GMPPA: variants seen among roughly 807,000 people sequenced by gnomAD.
GMPPA encodes the protein mannose-1-phosphate guanylyltransferase regulatory subunit alpha.
A neutral mutation model predicts 58.6 loss-of-function variants in GMPPA; 46 were observed. The ratio of observed to expected loss-of-function variants is 0.78; its 90% CI spans 0.62 to 1.00. The LOEUF (loss-of-function observed/expected upper bound fraction) is 1.00, where lower values mean the gene tolerates loss of function less well. Ranked by LOEUF, GMPPA falls within the 50% of genes least tolerant of loss-of-function variation. GMPPA has a pLI of 0.00. For synonymous variants in GMPPA, 211 were observed against 214.9 expected (o/e 0.98, Z 0.16); for missense variants, 468 against 556.4 (o/e 0.84, Z 1.60).
intron 7 of GMPPA, chr2:219,504,697 T>C: frequency 4.6e-6 from 1 of 218,774 alleles, no homozygotes; most frequent in Non-Finnish European, 8.5e-6. Flanking sequence ...CACCGCCCCA[T>C]CTAAGGCCTC....
intron 6 of GMPPA, 89 bp from the exon 7 acceptor site, chr2:219,503,994 G>C: frequency 6.9e-7 from 1 of 1,448,144 alleles, no homozygotes; most frequent in East Asian, 2.3e-5. Flanking sequence ...GCAGGGAGGA[G>C]AGGCAAGAAG....
Position 219,500,456 on chromosome 2 carries a change from G to A in GMPPA, c.138+238G>A, listed in dbSNP as rs1378941684. 5.3e-6 allele frequency: 3 copies of A among 567,882 alleles called. No individual in the cohort carries two copies. The East Asian group carries it at 8.8e-5, about 17-fold the overall frequency. 35.2% of individuals were successfully genotyped at this position (567,882 alleles called of 1,614,324 possible). A position where few individuals can be genotyped will look rare whatever the true frequency, so the allele number is the denominator to read the frequency against. On this transcript the variant is annotated intron_variant, in intron 3 of 12. Transcript: ENST00000313597. ...ATTTCACTCCTATTTTTAAAGTGTG[G>A]AATGTGAGATCAGGCAAGGATCTTG...
chr2:219,505,564 C>A lies in GMPPA; in HGVS notation c.853+9C>A. On this transcript the variant is annotated intron_variant, in intron 9 of 12. Coordinates refer to ENST00000313597, the MANE Select transcript of GMPPA (RefSeq NM_013335.4). The stretch of plus-strand genomic sequence containing the variant: ...GGGCCCATGGATCCGAGGTACCCAG[C>A]CTGCCCCAATTCCTAACCTTTGGCT... 6.4e-7 allele frequency: 1 copy of A among 1,567,084 alleles called. No individual in the cohort carries two copies. Among genetic ancestry groups the A allele is most frequent in the South Asian group, 1.2e-5 (1 of 85,856 alleles).
Position 219,504,439 on chromosome 2 carries a change from C to G in GMPPA, c.620+226C>G, listed in dbSNP as rs1694505371. ...CTCCTCTGTCACTGCCTGCCCACTC[C>G]CCTTCTGGTCCATTTCTCCTAAGCC... On this transcript the variant is annotated intron_variant, in intron 7 of 12. Transcript: ENST00000313597. 8.7e-6 allele frequency: 5 copies of G among 576,760 alleles called. No homozygotes were observed. The Admixed American group carries it at 1.3e-4, about 15-fold the overall frequency. The allele number at this position is 576,760 out of a possible 1,614,324, so 35.7% of individuals were successfully genotyped here.
At position 219,499,987 on chromosome 2, in the gene GMPPA, G is replaced by A. The variant is rs1335428636; in HGVS notation, c.12G>A (p.Ala4=). 5 of 1,613,888 alleles carry A rather than the reference G, an allele frequency of 3.1e-6. No homozygotes were observed. The highest frequency in any genetic ancestry group is 3.4e-6 in the Non-Finnish European group (4 of 1,179,806). Reference sequence around the variant, plus strand: ...TAGCAGTCACCATTATGCTCAAAGCGGTGATCCTGATTGGAGGCCCTCAAA... The same window carrying A: ...TAGCAGTCACCATTATGCTCAAAGCAGTGATCCTGATTGGAGGCCCTCAAA... MLK[A]VILIGGPQKG... is the part of the protein sequence containing the mutation. The change falls in exon 2 of 13, where the codon GCG becomes GCA. Residue 4 remains alanine (A), a synonymous_variant. Transcript: ENST00000313597.
chr2:219,500,530 C>A, intron 3 of GMPPA: 1 of 406,558 alleles, frequency 2.5e-6, no homozygotes, highest in Non-Finnish European at 4.5e-6. Flanking sequence ...TAACCAAGCA[C>A]AAATTCATAT....
intron 6 of GMPPA, among the ~76,000 whole-genome samples, chr2:219,503,352 G>A (rs1388855540): frequency 1.3e-5 from 2 of 151,920 alleles, no homozygotes; most frequent in Non-Finnish European, 2.9e-5. Context: ...CTCGAACTCC[G>A]GAGCTCAAGT....
At position 219,500,234 on chromosome 2, in the gene GMPPA, C is replaced by T; in HGVS notation, c.138+16C>T. On this transcript the variant is annotated intron_variant, in intron 3 of 12. Coordinates refer to ENST00000313597, the MANE Select transcript of GMPPA (RefSeq NM_013335.4). Reference sequence around the variant, plus strand: ...CTGTGCCCAGGTAACCTCAGGGGCTCCCCTCTCTCACCTCACTTCCTGCTT... The same window carrying T: ...CTGTGCCCAGGTAACCTCAGGGGCTTCCCTCTCTCACCTCACTTCCTGCTT... 2.2e-6 allele frequency: 3 copies of T among 1,374,164 alleles called. No homozygotes were observed. Among genetic ancestry groups the T allele is most frequent in the South Asian group, 2.5e-5 (2 of 81,186 alleles). The allele number at this position is 1,374,164 out of a possible 1,614,324, so 85.1% of individuals were successfully genotyped here.
intron 1 of GMPPA, among the ~76,000 whole-genome samples, chr2:219,499,570 G>C (rs572088367): frequency 2.1e-4 from 32 of 152,342 alleles, no homozygotes; most frequent in Non-Finnish European, 1.6e-4. Flanking sequence ...GTCTTTTAGA[G>C]ATCAAATTGT....
rs1694438752 is a variant in GMPPA, at chr2:219,502,560, G to T, written c.489+119G>T. ...GGCTCTAGTCTTGTCAGACAGGTGA[G>T]ACACTCCCGATTAATCATCTTATAT... On this transcript the variant is annotated intron_variant, in intron 6 of 12. Transcript: ENST00000313597. The surrounding 1 kb of genome is among the most constrained non-coding windows in gnomAD (Gnocchi z 4.0). The T allele has an allele frequency of 2.8e-6, 2 of 718,850 alleles. No individual in the cohort carries two copies. Among genetic ancestry groups the T allele is most frequent in the Non-Finnish European group, 4.9e-6 (2 of 405,680 alleles). 44.5% of individuals were successfully genotyped at this position (718,850 alleles called of 1,614,324 possible). A position where few individuals can be genotyped will look rare whatever the true frequency, so the allele number is the denominator to read the frequency against.
chr2:219,499,200 A>G, intron 1 of GMPPA: 1 of 152,310 alleles, frequency 6.6e-6, no homozygotes, highest in East Asian at 1.9e-4. Flanking sequence ...CAATAGGTTC[A>G]GTGTTTGAGA....
intron 11 of GMPPA, 56 bp downstream of exon 11, chr2:219,506,128 C>A: frequency 6.9e-7 from 1 of 1,446,668 alleles, no homozygotes; most frequent in Non-Finnish European, 9.5e-7. Context: ...CGGGGAGGGC[C>A]CAGGCATCCC....
In GMPPA at chr2:219,502,355, A is replaced by G. The variant is rs771195021; in HGVS notation, c.430-27A>G. 2.7e-5 allele frequency: 44 copies of G among 1,607,532 alleles called. No individual in the cohort carries two copies. Among genetic ancestry groups the G allele is most frequent in the Non-Finnish European group, 3.7e-5 (43 of 1,174,298 alleles). On this transcript the variant is annotated intron_variant, in intron 5 of 12. Transcript: ENST00000313597. This position sits in a 1 kb window ranked among gnomAD's most constrained non-coding sequence, Gnocchi z 4.0. ...GTGGCTGCCCTGGAGCAGGCGGGTC[A>G]CTGTCTCGGGTGTGTCTGTCTTTCA... is the stretch of plus-strand genomic sequence containing the variant.
rs1389313451 is a variant in GMPPA at position 219,505,361 on chromosome 2, G to A, written c.754G>A (p.Gly252Ser). ...DGIWSQIKSA[G>S]SALYASRLYL... is the part of the protein sequence containing the mutation. ...TATCTGGAGTCAGATCAAGTCCGCA[G>A]GGTATGGAAGGCTGGGTCCCCTGGG... The change falls in exon 8 of 13, where the codon GGT becomes AGT. Residue 252 changes from glycine (G) to serine (S), a missense_variant and splice_region_variant. Coordinates refer to ENST00000313597, the MANE Select transcript of GMPPA (RefSeq NM_013335.4). 1.2e-6 allele frequency: 2 copies of A among 1,613,524 alleles called. No individual in the cohort carries two copies. Among genetic ancestry groups the A allele is most frequent in the South Asian group, 2.2e-5 (2 of 90,898 alleles).
intron 7 of GMPPA, 122 bp downstream of exon 7, chr2:219,504,335 C>G (rs936725899): frequency 1.1e-6 from 1 of 890,720 alleles, no homozygotes; most frequent in Admixed American, 2.6e-5. Context: ...CCCTTCTCCA[C>G]TTGCCATCTC....
rs780818453 is a variant in GMPPA, at chr2:219,502,757, G to A, written c.489+316G>A. On this transcript the variant is annotated intron_variant, in intron 6 of 12. Coordinates refer to ENST00000313597, the MANE Select transcript of GMPPA (RefSeq NM_013335.4). This position sits in a 1 kb window ranked among gnomAD's most constrained non-coding sequence, Gnocchi z 4.0. ...CTGGAGGAAGCAAGGTCTGAGCAGAGTCCCATTTGTCTAGATGACAAAGGA... is the reference window on the plus strand; with the variant it reads ...CTGGAGGAAGCAAGGTCTGAGCAGAATCCCATTTGTCTAGATGACAAAGGA... Among the ~76,000 whole-genome samples, 1 of 152,102 alleles carries A rather than the reference G, an allele frequency of 6.6e-6. No homozygotes were observed. Among genetic ancestry groups the A allele is most frequent in the Non-Finnish European group, 1.5e-5 (1 of 67,998 alleles).
chr2:219,499,123 G>GCAAT (rs894930006), intron 1 of GMPPA, 185 bp downstream of exon 1: 2 of 152,386 alleles, frequency 1.3e-5, no homozygotes, highest in African/African-American at 4.8e-5. Flanking sequence ...CAGAGGGTCA[G>GCAAT]CAATCAATCA....
chr2:219,501,647 G>A (rs1437784669), intron 4 of GMPPA, 68 bp downstream of exon 4: 2 of 1,061,406 alleles, frequency 1.9e-6, no homozygotes, highest in African/African-American at 3.1e-5. Flanking sequence ...TTGGAAGTGG[G>A]TTGAGTCAGC....
chr2:219,505,477 C>T lies in GMPPA; in HGVS notation c.775C>T (p.Arg259Cys), dbSNP rs137863363. ...KSAGSALYAS[R>C]LYLSRYQDTH... ...CCCCAGTTCAGCCCTCTACGCCTCC[C>T]GCCTCTACCTGAGCCGATACCAGGA... The change falls in exon 9 of 13, where the codon CGC (arginine) becomes TGC (cysteine). Residue 259 changes from arginine to cysteine, a missense_variant. Physicochemically the swap from Arg to Cys is radical, Grantham distance 180. Coordinates refer to ENST00000313597, the MANE Select transcript of GMPPA (RefSeq NM_013335.4). 23 of 1,578,956 alleles carry T rather than the reference C, an allele frequency of 1.5e-5. No homozygotes were observed. Among genetic ancestry groups the T allele is most frequent in the East Asian group, 2.3e-5 (1 of 43,724 alleles).
Sources: allele counts gnomAD v4.1 joint callset (sites outside exome capture counted in the v4.1 genomes callset), GRCh38; gene constraint gnomAD v4.1.1; non-coding constraint Gnocchi (gnomAD v3.1); transcripts MANE v1.5; gene names NCBI Gene and HGNC (gene_info 2026-07-23, HGNC 2026-07-21).